Variants in PTPRD observed in about 807,000 individuals in gnomAD.
PTPRD encodes the protein protein tyrosine phosphatase receptor type D, also known as receptor-type tyrosine-protein phosphatase delta.
In PTPRD, 34 loss-of-function variants were observed where a neutral mutation model predicts 214.5. That is an observed-to-expected ratio of 0.16 (90% CI 0.12 to 0.21). The LOEUF (loss-of-function observed/expected upper bound fraction) is 0.21, where lower values mean the gene tolerates loss of function less well. Among genes scored for constraint, PTPRD ranks in the 10% least tolerant of loss-of-function variants. The pLI is 1.00. For synonymous variants in PTPRD, 1,128 were observed against 845.7 expected (o/e 1.33, Z -5.79); for missense variants, 2,545 against 2,398.7 (o/e 1.06, Z -1.27).
At chr9:10,459,129 ATGAG>A (rs894256189) in intron 2 of PTPRD, among the ~76,000 whole-genome samples, 8 of 152,042 alleles carry the variant, frequency 5.3e-5, no homozygotes, top group Non-Finnish European at 1.2e-4. Context: ...GCTCCCACTC[ATGAG>A]TAAGAACATC....
intron 11 of PTPRD, among the ~76,000 whole-genome samples, chr9:8,805,498 A>C (rs2096657745): frequency 6.6e-6 from 1 of 151,860 alleles, no homozygotes; most frequent in Admixed American, 6.6e-5. Context: ...ATAAACCTCA[A>C]TTGCAATAGA....
chr9:9,395,984 T>A (rs1403198817), intron 9 of PTPRD, among the ~76,000 whole-genome samples: 1 of 152,112 alleles, frequency 6.6e-6, no homozygotes, highest in African/African-American at 2.4e-5. Flanking sequence ...TAAAATCTTG[T>A]ATTTTGTTCA....
intron 3 of PTPRD, among the ~76,000 whole-genome samples, chr9:10,161,439 T>C (rs1190294098): frequency 6.6e-6 from 1 of 151,738 alleles, no homozygotes; most frequent in Non-Finnish European, 1.5e-5. Context: ...ACCAAGAACT[T>C]ACAGGGGAAA....
intron 13 of PTPRD, among the ~76,000 whole-genome samples, chr9:8,634,161 C>T (rs2096352029): frequency 6.6e-6 from 1 of 151,742 alleles, no homozygotes; most frequent in Admixed American, 6.6e-5. Flanking sequence ...CTGAATTCAC[C>T]ATCATTAGGA....
At chr9:9,646,281 T>C (rs773223429) in intron 7 of PTPRD, among the ~76,000 whole-genome samples, 1 of 151,476 alleles carries the variant, frequency 6.6e-6, no homozygotes, top group Non-Finnish European at 1.5e-5. Flanking sequence ...TATAGAATTG[T>C]AGGGTGACCA....
At chr9:9,758,971 C>T (rs1388407266) in intron 6 of PTPRD, among the ~76,000 whole-genome samples, 1 of 152,020 alleles carries the variant, frequency 6.6e-6, no homozygotes, top group Admixed American at 6.6e-5. Flanking sequence ...GTATGTTACC[C>T]AGCAAGAAAG....
At chr9:10,015,632 C>T (rs1042538756) in intron 4 of PTPRD, among the ~76,000 whole-genome samples, 5 of 152,082 alleles carry the variant, frequency 3.3e-5, no homozygotes, top group African/African-American at 1.2e-4. Context: ...TGTGTACTTA[C>T]TTGCAAAGCC....
At chr9:9,030,965 T>C (rs1175092971) in intron 10 of PTPRD, among the ~76,000 whole-genome samples, 1 of 151,958 alleles carries the variant, frequency 6.6e-6, no homozygotes, top group South Asian at 2.1e-4. Context: ...GAATGAAGAA[T>C]GTAAGGAACA....
intron 5 of PTPRD, among the ~76,000 whole-genome samples, chr9:9,937,692 T>C (rs2090051402): frequency 1.3e-5 from 2 of 152,180 alleles, no homozygotes; most frequent in South Asian, 2.1e-4. Flanking sequence ...GTACTGTTGA[T>C]GAGTTTATCT....
At chr9:9,361,255 C>T (rs1019420185) in intron 9 of PTPRD, among the ~76,000 whole-genome samples, 1 of 150,952 alleles carries the variant, frequency 6.6e-6, no homozygotes, top group African/African-American at 2.4e-5. Flanking sequence ...AGGCTTTTCT[C>T]CCTTCAATTC....
At chr9:10,018,192 GGA>G (rs140433213) in intron 4 of PTPRD, among the ~76,000 whole-genome samples, 65,930 of 151,296 alleles carry the variant, frequency 0.44, 16,637 homozygotes, top group Middle Eastern at 0.62. Context: ...GGGAAGAGGA[GGA>G]GAGAGAGAGA....
chr9:9,604,068 T>A (rs1312818343), intron 7 of PTPRD, among the ~76,000 whole-genome samples: 1 of 152,090 alleles, frequency 6.6e-6, no homozygotes, highest in Non-Finnish European at 1.5e-5. Flanking sequence ...TTAATATAAT[T>A]TTGCTTTTAT....
At chr9:9,419,045 C>T (rs2077842999) in intron 8 of PTPRD, among the ~76,000 whole-genome samples, 1 of 151,120 alleles carries the variant, frequency 6.6e-6, no homozygotes, top group Non-Finnish European at 1.5e-5. Context: ...TGAATGAGAA[C>T]ACACATATGA....
intron 2 of PTPRD, among the ~76,000 whole-genome samples, chr9:10,589,282 G>C (rs1353622596): frequency 6.6e-6 from 1 of 152,008 alleles, no homozygotes; most frequent in Non-Finnish European, 1.5e-5. Context: ...CCTTGAAAGA[G>C]AACACAGCCT....
At chr9:9,551,235 C>G (rs1482754215) in intron 8 of PTPRD, among the ~76,000 whole-genome samples, 1 of 151,824 alleles carries the variant, frequency 6.6e-6, no homozygotes, top group Non-Finnish European at 1.5e-5. Context: ...TAAATTTTAC[C>G]TGAGAAGGAT....
intron 11 of PTPRD, among the ~76,000 whole-genome samples, chr9:8,889,188 G>T (rs2098516459): frequency 6.6e-6 from 1 of 152,180 alleles, no homozygotes; most frequent in African/African-American, 2.4e-5. Flanking sequence ...TCTGACTTGG[G>T]CATCTGGATG....
At chr9:8,836,339 A>C (rs1179191627) in intron 11 of PTPRD, among the ~76,000 whole-genome samples, 1 of 152,174 alleles carries the variant, frequency 6.6e-6, no homozygotes, top group Non-Finnish European at 1.5e-5. Flanking sequence ...AGCCCTTGGC[A>C]CATCTCTAAA....
chr9:9,772,066 A>G (rs1021990880), intron 5 of PTPRD, among the ~76,000 whole-genome samples: 2 of 152,184 alleles, frequency 1.3e-5, no homozygotes, highest in Non-Finnish European at 1.5e-5. Flanking sequence ...ACCTCAGAGT[A>G]TAAGTGTATT....
intron 37 of PTPRD, among the ~76,000 whole-genome samples, chr9:8,385,302 G>A (rs1261106959): frequency 6.6e-6 from 1 of 152,138 alleles, no homozygotes; most frequent in Non-Finnish European, 1.5e-5. Context: ...CAAGGTGGAA[G>A]GACTGCTTCA....
Sources: allele counts gnomAD v4.1 joint callset (sites outside exome capture counted in the v4.1 genomes callset), GRCh38; gene constraint gnomAD v4.1.1; transcripts MANE v1.5; gene names NCBI Gene and HGNC (gene_info 2026-07-23, HGNC 2026-07-21).